ACVR2A: variants seen among roughly 807,000 people sequenced by gnomAD.
ACVR2A encodes activin A receptor type 2A, also known as activin receptor type-2A.
A neutral mutation model predicts 61.4 loss-of-function variants in ACVR2A; 7 were observed. The ratio of observed to expected loss-of-function variants is 0.11; its 90% confidence interval spans 0.06 to 0.21. The LOEUF is 0.21. Ranked by LOEUF, ACVR2A falls within the 10% of genes least tolerant of loss-of-function variation. ACVR2A has a pLI of 1.00. For synonymous variants in ACVR2A, 193 were observed against 208.3 expected (o/e 0.93, Z 0.63); for missense variants, 322 against 621.7 (o/e 0.52, Z 5.13).
chr2:147,859,529 C>G (rs758256956), intron 1 of ACVR2A, among the ~76,000 whole-genome samples: 1 of 151,256 alleles, frequency 6.6e-6, no homozygotes, highest in Non-Finnish European at 1.5e-5. Context: ...TAGAATGAAT[C>G]ACCCATAGCA....
chr2:147,888,208 T>G (rs972691861), intron 1 of ACVR2A, among the ~76,000 whole-genome samples: 1 of 152,200 alleles, frequency 6.6e-6, no homozygotes, highest in African/African-American at 2.4e-5. Flanking sequence ...CCTTGCTGTC[T>G]TTATTATTGC....
intron 4 of ACVR2A, among the ~76,000 whole-genome samples, chr2:147,914,749 G>T (rs999097026): frequency 3.9e-5 from 6 of 151,966 alleles, no homozygotes; most frequent in African/African-American, 1.2e-4. Context: ...AGTCACTGGA[G>T]AAAGTAATAG....
chr2:147,872,089 A>T (rs181385476), intron 1 of ACVR2A, among the ~76,000 whole-genome samples: 18 of 152,198 alleles, frequency 1.2e-4, no homozygotes, highest in African/African-American at 4.3e-4. Flanking sequence ...CATTGAAAAT[A>T]TGGAGCCCAT....
At chr2:147,877,443 A>AT (rs1686187466) in intron 1 of ACVR2A, 1 of 152,216 alleles carries the variant, frequency 6.6e-6, no homozygotes, top group Non-Finnish European at 1.5e-5. Context: ...GGCAGCACAT[A>AT]TACTAATATC....
rs748642901 is a variant in ACVR2A, at chr2:147,899,731, C to G, written c.374-13C>G. 53 of 1,610,668 alleles carry G rather than the reference C, an allele frequency of 3.3e-5. No homozygotes were observed. The highest frequency in any genetic ancestry group is 4.2e-5 in the Non-Finnish European group (50 of 1,178,354). On this transcript the variant is annotated splice_polypyrimidine_tract_variant and intron_variant, in intron 3 of 10. Transcript: ENST00000241416. ...GACCAAATCTGAGTTATTTTTCCCC[C>G]CCTTTTCCACAGCCACTTCAAATCC...
chr2:147,866,928 A>C (rs1295964211), intron 1 of ACVR2A, among the ~76,000 whole-genome samples: 1 of 152,198 alleles, frequency 6.6e-6, no homozygotes, highest in Non-Finnish European at 1.5e-5. Flanking sequence ...CAGACCAAAG[A>C]TCTAACTCTG....
At chr2:147,879,857 G>A (rs1365366728) in intron 1 of ACVR2A, among the ~76,000 whole-genome samples, 1 of 152,192 alleles carries the variant, frequency 6.6e-6, no homozygotes, top group East Asian at 1.9e-4. Context: ...AGTCCAGGGA[G>A]AGATGTTGGT....
At chr2:147,879,285 A>G (rs1686236913) in intron 1 of ACVR2A, among the ~76,000 whole-genome samples, 1 of 152,196 alleles carries the variant, frequency 6.6e-6, no homozygotes, top group African/African-American at 2.4e-5. Flanking sequence ...AGGCAAAGGC[A>G]TCTGGTGTGG....
chr2:147,918,134 T>C (rs1217826829), intron 6 of ACVR2A, among the ~76,000 whole-genome samples: 1 of 151,114 alleles, frequency 6.6e-6, no homozygotes, highest in Non-Finnish European at 1.5e-5. Context: ...ACTTTTAAAA[T>C]ATTTTCTAGA....
At chr2:147,852,746 A>C (rs1685477850) in intron 1 of ACVR2A, among the ~76,000 whole-genome samples, 1 of 152,088 alleles carries the variant, frequency 6.6e-6, no homozygotes, top group South Asian at 2.1e-4. Context: ...CTGGAAAAAA[A>C]GTCTTAGACG....
At chr2:147,877,259 A>G (rs1189536405) in intron 1 of ACVR2A, among the ~76,000 whole-genome samples, 1 of 152,204 alleles carries the variant, frequency 6.6e-6, no homozygotes, top group African/African-American at 2.4e-5. Context: ...GACTGGGAAC[A>G]GTTCCCAATA....
At chr2:147,847,555 A>G (rs1210927311) in intron 1 of ACVR2A, among the ~76,000 whole-genome samples, 1 of 152,124 alleles carries the variant, frequency 6.6e-6, no homozygotes, top group Admixed American at 6.5e-5. Context: ...GTTTTGTTCC[A>G]GGTGTTTAGG....
rs1171612361 is a variant in ACVR2A at position 147,930,282 on chromosome 2, A to AT, written c.*3009dup. The AT allele has an allele frequency of 1.3e-5, 2 of 152,016 alleles. No individual in the cohort carries two copies. Among genetic ancestry groups the AT allele is most frequent in the African/African-American group, 4.8e-5 (2 of 41,332 alleles). The allele number at this position is 152,016 out of a possible 1,614,324, so 9.4% of individuals were successfully genotyped here. A position where few individuals can be genotyped will look rare whatever the true frequency, so the allele number is the denominator to read the frequency against. ...TAAGTAACAGCTACATTTAAGTAAAATGCAGGTGGTAGGGGAAAAAAAACC... is the reference window on the plus strand; with the variant it reads ...TAAGTAACAGCTACATTTAAGTAAAATTGCAGGTGGTAGGGGAAAAAAAACC... On this transcript the variant is annotated 3_prime_UTR_variant, in exon 11 of 11. Transcript: ENST00000241416.
At chr2:147,889,397 CA>C (rs1258818176) in intron 1 of ACVR2A, among the ~76,000 whole-genome samples, 1 of 151,884 alleles carries the variant, frequency 6.6e-6, no homozygotes, top group South Asian at 2.1e-4. Flanking sequence ...TTTTAAAAAA[CA>C]AAACTTGAAT....
intron 1 of ACVR2A, among the ~76,000 whole-genome samples, chr2:147,894,860 C>T (rs1686689321): frequency 6.6e-6 from 1 of 152,106 alleles, no homozygotes; most frequent in Non-Finnish European, 1.5e-5. Context: ...ACAACTCAGT[C>T]ATACGTGGGC....
At chr2:147,874,056 G>A (rs1686093762) in intron 1 of ACVR2A, among the ~76,000 whole-genome samples, 1 of 151,936 alleles carries the variant, frequency 6.6e-6, no homozygotes, top group Non-Finnish European at 1.5e-5. Context: ...ACTGGACAAA[G>A]TTCTTGGTGA....
chr2:147,850,760 G>A (rs1685425042), intron 1 of ACVR2A, among the ~76,000 whole-genome samples: 1 of 152,124 alleles, frequency 6.6e-6, no homozygotes, highest in Admixed American at 6.5e-5. Flanking sequence ...TAGATAGCAA[G>A]TGACTTTCTG....
intron 1 of ACVR2A, among the ~76,000 whole-genome samples, chr2:147,848,299 A>AT (rs902193485): frequency 1.4e-4 from 21 of 151,366 alleles, no homozygotes; most frequent in Middle Eastern, 6.8e-3. Flanking sequence ...TTCATTTTCT[A>AT]TTTTTTTTTC....
chr2:147,908,607 T>C (rs1323873046), intron 4 of ACVR2A, among the ~76,000 whole-genome samples: 6 of 152,190 alleles, frequency 3.9e-5, no homozygotes, highest in African/African-American at 1.4e-4. Context: ...TCGCATATAC[T>C]GTATTATTTA....
Sources: allele counts gnomAD v4.1 joint callset (sites outside exome capture counted in the v4.1 genomes callset), GRCh38; gene constraint gnomAD v4.1.1; transcripts MANE v1.5; gene names NCBI Gene and HGNC (gene_info 2026-07-23, HGNC 2026-07-21).